The following ALK variants were observed in gnomAD, a reference collection of about 807,000 sequenced individuals.
ALK encodes ALK receptor tyrosine kinase, also known as ALK tyrosine kinase receptor.
ALK carries 74 observed loss-of-function variants against 163.1 expected under a neutral mutation model. That is an observed-to-expected ratio of 0.45 (90% CI 0.38 to 0.55). ALK has a LOEUF of 0.55. ALK is among the 20% of genes least tolerant of loss of function. The pLI, the probability that ALK is intolerant of heterozygous loss-of-function variation, is 0.00. For synonymous variants in ALK, 960 were observed against 843.2 expected (o/e 1.14, Z -2.40); for missense variants, 2,063 against 2,105.3 (o/e 0.98, Z 0.39).
chr2:29,557,950 C>T (rs1295504882), intron 3 of ALK, among the ~76,000 whole-genome samples: 1 of 152,084 alleles, frequency 6.6e-6, no homozygotes, highest in East Asian at 1.9e-4. Context: ...GACTGAGAGC[C>T]CTTAAATCCT....
chr2:29,306,957 AG>A (rs1445406682), intron 8 of ALK, among the ~76,000 whole-genome samples: 1 of 152,260 alleles, frequency 6.6e-6, no homozygotes, highest in African/African-American at 2.4e-5. Flanking sequence ...GCCTCTCGGA[AG>A]GGACTGATAG....
chr2:29,665,337 C>T (rs1412422818), intron 3 of ALK, among the ~76,000 whole-genome samples: 4 of 151,926 alleles, frequency 2.6e-5, no homozygotes, highest in Admixed American at 6.6e-5. Context: ...TCCTAACCTC[C>T]CGCTTTTCCC....
At chr2:29,583,974 C>T (rs539926344) in intron 3 of ALK, among the ~76,000 whole-genome samples, 2 of 152,338 alleles carry the variant, frequency 1.3e-5, no homozygotes, top group South Asian at 4.1e-4. Context: ...CACTCTTTCC[C>T]TGGCATAAAA....
chr2:29,807,133 T>C (rs1395232572), intron 1 of ALK, among the ~76,000 whole-genome samples: 1 of 152,158 alleles, frequency 6.6e-6, no homozygotes, highest in Non-Finnish European at 1.5e-5. Context: ...GTGCCTTGAG[T>C]CTTTATGGCA....
intron 4 of ALK, among the ~76,000 whole-genome samples, chr2:29,410,492 C>T (rs916030374): frequency 2.0e-5 from 3 of 152,178 alleles, no homozygotes; most frequent in African/African-American, 7.2e-5. Context: ...CCACCTTGGG[C>T]ATATGTCATC....
intron 5 of ALK, among the ~76,000 whole-genome samples, chr2:29,332,669 G>A (rs1221917669): frequency 6.6e-6 from 1 of 152,180 alleles, no homozygotes; most frequent in Non-Finnish European, 1.5e-5. Flanking sequence ...AATTTAGGTT[G>A]TATCACAAGC....
intron 3 of ALK, among the ~76,000 whole-genome samples, chr2:29,667,901 G>A (rs1677567226): frequency 6.6e-6 from 1 of 152,054 alleles, no homozygotes; most frequent in African/African-American, 2.4e-5. Context: ...CAACAGCAGG[G>A]AAACCATCTG....
chr2:29,409,506 T>C (rs1316976592), intron 4 of ALK, among the ~76,000 whole-genome samples: 1 of 152,104 alleles, frequency 6.6e-6, no homozygotes, highest in African/African-American at 2.4e-5. Context: ...CCCCCTTCAA[T>C]CCATCAGCCC....
intron 3 of ALK, among the ~76,000 whole-genome samples, chr2:29,651,318 TTAAG>T (rs1195087611): frequency 6.6e-6 from 1 of 152,146 alleles, no homozygotes; most frequent in Non-Finnish European, 1.5e-5. Flanking sequence ...AAAGAGCTAG[TTAAG>T]TAAGAGAACC....
intron 1 of ALK, among the ~76,000 whole-genome samples, chr2:29,783,948 TCA>T (rs1663921430): frequency 6.6e-6 from 1 of 152,190 alleles, no homozygotes; most frequent in Non-Finnish European, 1.5e-5. Flanking sequence ...TTGTCTCATC[TCA>T]CACATAGGAG....
intron 4 of ALK, among the ~76,000 whole-genome samples, chr2:29,490,174 G>A (rs574674041): frequency 5.3e-5 from 8 of 152,340 alleles, no homozygotes; most frequent in Admixed American, 3.3e-4. Flanking sequence ...GAAATTGTCC[G>A]TGCCAAGTCA....
At chr2:29,885,514 C>T (rs1353627379) in intron 1 of ALK, among the ~76,000 whole-genome samples, 1 of 147,882 alleles carries the variant, frequency 6.8e-6, no homozygotes, top group Non-Finnish European at 1.5e-5. Context: ...TATGACTTTG[C>T]AGGATTTATG....
Position 29,229,055 on chromosome 2 carries a change from C to A in ALK, c.2644G>T (p.Gly882Cys). ...AGCAAGGAAGTGTTATCATTCCAGC[C>A]ACCTCCACCACCTGCGGGAAGAGAT... ...GNSGAAGGGG[G>C]WNDNTSLLWA... is the part of the protein sequence containing the mutation. Residue 882 changes from glycine (G) to cysteine (C), a missense_variant, in exon 16 of 29, where the codon GGC (glycine) becomes TGC (cysteine). Physicochemically the swap from Gly to Cys is radical, Grantham distance 159. Around this residue, in one of 5 missense-constraint regions of ALK, gnomAD observed 575 missense variants for 626.6 expected, o/e 0.92. Transcript: ENST00000389048. The A allele has an allele frequency of 1.2e-6, 2 of 1,613,924 alleles. No homozygotes were observed. The highest frequency in any genetic ancestry group is 1.7e-6 in the Non-Finnish European group (2 of 1,179,968).
intron 5 of ALK, among the ~76,000 whole-genome samples, chr2:29,352,299 T>C (rs1229660870): frequency 1.3e-5 from 2 of 152,236 alleles, no homozygotes; most frequent in Admixed American, 1.3e-4. Flanking sequence ...TGGAAATGTA[T>C]GTAGAGAGGA....
intron 1 of ALK, among the ~76,000 whole-genome samples, chr2:29,822,289 C>G (rs764910144): frequency 2.8e-4 from 43 of 152,166 alleles, no homozygotes; most frequent in Non-Finnish European, 2.2e-4. Flanking sequence ...AGACCATTAC[C>G]TAGCACCTGC....
At chr2:29,476,109 C>T (rs78630120) in intron 4 of ALK, among the ~76,000 whole-genome samples, 37,391 of 152,104 alleles carry the variant, frequency 0.25, 5,745 homozygotes, top group Non-Finnish European at 0.34. Flanking sequence ...ATGCTGGGAC[C>T]ACCAGGGTTT....
intron 5 of ALK, among the ~76,000 whole-genome samples, chr2:29,356,598 G>T (rs1001460257): frequency 2.6e-5 from 4 of 152,228 alleles, no homozygotes; most frequent in Admixed American, 6.5e-5. Context: ...AAGCTGCTTA[G>T]TCAGAGTTGG....
At chr2:29,239,907 A>G in intron 12 of ALK, 77 bp from the exon 13 acceptor site, 1 of 1,538,338 alleles carries the variant, frequency 6.5e-7, no homozygotes, top group African/African-American at 1.4e-5. Context: ...AGCAGCTTCC[A>G]GTGGGCTAAG....
At chr2:29,645,520 A>G (rs771132193) in intron 3 of ALK, among the ~76,000 whole-genome samples, 37 of 152,224 alleles carry the variant, frequency 2.4e-4, no homozygotes, top group Non-Finnish European at 4.6e-4. Flanking sequence ...TCATCATAAA[A>G]TCTTAGAATT....
Sources: allele counts gnomAD v4.1 joint callset (sites outside exome capture counted in the v4.1 genomes callset), GRCh38; gene constraint gnomAD v4.1.1; regional missense constraint gnomAD v4.1.1; transcripts MANE v1.5; gene names NCBI Gene and HGNC (gene_info 2026-07-23, HGNC 2026-07-21).